KIAA1549L: variants seen among roughly 807,000 people sequenced by gnomAD.
KIAA1549L encodes KIAA1549 like, also known as UPF0606 protein KIAA1549L.
Under a neutral mutation model 160.7 loss-of-function variants are expected in KIAA1549L, and 88 were observed. That is an observed-to-expected ratio of 0.55 (90% CI 0.46 to 0.65). KIAA1549L has a LOEUF of 0.65. Among genes scored for constraint, KIAA1549L ranks in the 30% least tolerant of loss-of-function variants. The pLI is 0.00. For missense variants in KIAA1549L, 2,258 were observed against 2,437.5 expected (o/e 0.93, Z 1.55); for synonymous variants, 950 against 976.7 (o/e 0.97, Z 0.51).
intron 1 of KIAA1549L, among the ~76,000 whole-genome samples, chr11:33,533,221 C>T (rs1335368080): frequency 1.3e-5 from 2 of 152,128 alleles, no homozygotes; most frequent in Non-Finnish European, 2.9e-5. Flanking sequence ...AGCATCACAG[C>T]CCGGGTCTGA....
In KIAA1549L at chr11:33,614,533, TATATATATATATA is replaced by T. The variant is rs1216364757; in HGVS notation, c.5280-3999_5280-3987del. Among the ~76,000 whole-genome samples, 9 of 2,490 alleles carry T rather than the reference TATATATATATATA, an allele frequency of 3.6e-3. 1 individual carries two copies. In the East Asian group the frequency reaches 0.055, roughly 15 times the overall value. 1.6% of individuals were successfully genotyped at this position (2,490 alleles called of 152,430 possible). On this transcript the variant is annotated intron_variant, in intron 15 of 20. Transcript: ENST00000658780. The stretch of plus-strand genomic sequence containing the variant: ...CTTGGGATCTGTGAGTGTAACAAGA[TATATATATATATA>T]TATATATATATATATATATATATAT...
At chr11:33,508,913 G>A (rs934853720) in intron 1 of KIAA1549L, among the ~76,000 whole-genome samples, 1 of 152,150 alleles carries the variant, frequency 6.6e-6, no homozygotes, top group African/African-American at 2.4e-5. Context: ...AAAATGAGAC[G>A]GCTGGGGCAT....
At chr11:33,452,614 A>ATATG (rs10551315) in intron 1 of KIAA1549L, among the ~76,000 whole-genome samples, 2,125 of 151,682 alleles carry the variant, frequency 0.014, 43 homozygotes, top group African/African-American at 0.041. Context: ...TCTCAAATAA[A>ATATG]TATGTATGTA....
At position 33,542,558 on chromosome 11, in the gene KIAA1549L, A is replaced by G. The variant is rs1386385797; in HGVS notation, c.995A>G (p.Glu332Gly). The G allele has an allele frequency of 6.2e-7, 1 of 1,613,790 alleles. No homozygotes were observed. The highest frequency in any genetic ancestry group is 2.2e-5 in the East Asian group (1 of 44,892). Reference protein sequence around the residue: ...TKWHSELSPTEGPHSAGSSTP... With the variant: ...TKWHSELSPTGGPHSAGSSTP... ...TGGCATTCCGAGCTGTCCCCAACAG[A>G]GGGTCCCCATTCAGCAGGTTCATCC... Residue 332 changes from glutamate (E) to glycine (G), a missense_variant, in exon 2 of 21, where the codon GAG becomes GGG. Transcript: ENST00000658780.
chr11:33,558,452 C>A (rs148519058), intron 6 of KIAA1549L, among the ~76,000 whole-genome samples: 1 of 152,144 alleles, frequency 6.6e-6, no homozygotes, highest in Non-Finnish European at 1.5e-5. Flanking sequence ...CATATCCTCC[C>A]GAAGGCAGTG....
intron 1 of KIAA1549L, among the ~76,000 whole-genome samples, chr11:33,461,853 C>G (rs997549813): frequency 6.6e-6 from 1 of 152,144 alleles, no homozygotes; most frequent in Non-Finnish European, 1.5e-5. Context: ...GATCACCCAG[C>G]TAGTGAGGAT....
intron 1 of KIAA1549L, among the ~76,000 whole-genome samples, chr11:33,460,412 T>A (rs2615913): frequency 0.64 from 97,731 of 151,932 alleles, 32,386 homozygotes; most frequent in African/African-American, 0.8. Context: ...GAGGAAGGGG[T>A]TGTGGATGAA....
chr11:33,569,699 G>A (rs536874441), intron 9 of KIAA1549L, among the ~76,000 whole-genome samples: 2 of 152,304 alleles, frequency 1.3e-5, no homozygotes, highest in Admixed American at 1.3e-4. Context: ...CCTATTGGAT[G>A]TTGCTTTGGT....
At chr11:33,407,495 C>T (rs1182751729) in intron 1 of KIAA1549L, among the ~76,000 whole-genome samples, 2 of 152,062 alleles carry the variant, frequency 1.3e-5, no homozygotes, top group Non-Finnish European at 2.9e-5. Flanking sequence ...ATTACAGGCA[C>T]GCGCCACCGT....
In KIAA1549L at chr11:33,668,385, G is replaced by C. The variant is rs530471963; in HGVS notation, c.*231G>C. On this transcript the variant is annotated 3_prime_UTR_variant, in exon 21 of 21. Coordinates refer to ENST00000658780, the MANE Select transcript of KIAA1549L (RefSeq NM_012194.3). The stretch of plus-strand genomic sequence containing the variant: ...GTCCCTGGCTTGGGGCCTTATGTTT[G>C]ATACTCTCTCATGTCAAATGTTTGA... 1.7e-6 allele frequency: 1 copy of C among 571,628 alleles called. No homozygotes were observed. 35.4% of individuals were successfully genotyped at this position (571,628 alleles called of 1,614,324 possible). A position where few individuals can be genotyped will look rare whatever the true frequency, so the allele number is the denominator to read the frequency against.
chr11:33,440,045 G>A (rs907369982), intron 1 of KIAA1549L, among the ~76,000 whole-genome samples: 1 of 137,488 alleles, frequency 7.3e-6, no homozygotes, highest in African/African-American at 2.7e-5. Flanking sequence ...ACATCTTTTT[G>A]TTCCACTTTT....
At chr11:33,417,335 G>A (rs1329534427) in intron 1 of KIAA1549L, among the ~76,000 whole-genome samples, 1 of 152,088 alleles carries the variant, frequency 6.6e-6, no homozygotes, top group East Asian at 1.9e-4. Flanking sequence ...CTCCCACCCA[G>A]TATCATCCAA....
At chr11:33,441,071 T>G (rs1294601964) in intron 1 of KIAA1549L, among the ~76,000 whole-genome samples, 1 of 107,022 alleles carries the variant, frequency 9.3e-6, no homozygotes, top group East Asian at 3.2e-4. Context: ...CCCTCCCCCC[T>G]CCCCCTACCT....
At chr11:33,402,685 C>A (rs1212620548) in intron 1 of KIAA1549L, among the ~76,000 whole-genome samples, 1 of 152,200 alleles carries the variant, frequency 6.6e-6, no homozygotes, top group Admixed American at 6.5e-5. Context: ...TCTGGCTTAT[C>A]TTTGAAAACC....
chr11:33,650,717 C>G (rs150196521), intron 17 of KIAA1549L, among the ~76,000 whole-genome samples: 3 of 152,282 alleles, frequency 2.0e-5, no homozygotes, highest in Non-Finnish European at 4.4e-5. Context: ...GTCCCTTGCT[C>G]TGTCATTCTC....
At chr11:33,419,862 A>G (rs1305275492) in intron 1 of KIAA1549L, among the ~76,000 whole-genome samples, 1 of 53,932 alleles carries the variant, frequency 1.9e-5, no homozygotes, top group Non-Finnish European at 3.6e-5. Flanking sequence ...AATGTTATAC[A>G]TACATACATA....
intron 1 of KIAA1549L, among the ~76,000 whole-genome samples, chr11:33,515,143 C>T (rs1853315822): frequency 6.6e-6 from 1 of 152,204 alleles, no homozygotes; most frequent in African/African-American, 2.4e-5. Context: ...GCCACCTGAG[C>T]TGTGGAACCC....
At chr11:33,493,085 T>C (rs1473398713) in intron 1 of KIAA1549L, among the ~76,000 whole-genome samples, 4 of 152,172 alleles carry the variant, frequency 2.6e-5, no homozygotes, top group Non-Finnish European at 4.4e-5. Context: ...GGTCTTGGTC[T>C]TTCCCTTGTG....
intron 1 of KIAA1549L, among the ~76,000 whole-genome samples, chr11:33,437,939 C>T (rs1177569796): frequency 6.6e-6 from 1 of 152,194 alleles, no homozygotes; most frequent in Non-Finnish European, 1.5e-5. Context: ...ATTCTGGATT[C>T]TTTCTCTGAA....
Sources: gnomAD v4.1 joint callset for allele counts (sites outside exome capture counted in the v4.1 genomes callset) on GRCh38, gnomAD v4.1.1 for gene constraint, MANE v1.5 for transcripts, NCBI Gene and HGNC (gene_info 2026-07-23, HGNC 2026-07-21) for gene names.